Variants in REPS2 observed in about 807,000 individuals in gnomAD.
The protein encoded by REPS2 is ralBP1-associated Eps domain-containing protein 2.
In REPS2, 23 loss-of-function variants were observed where a neutral mutation model predicts 53.6. That is an observed-to-expected ratio of 0.43 (90% CI 0.31 to 0.61). The LOEUF (loss-of-function observed/expected upper bound fraction) is 0.61. Among genes scored for constraint, REPS2 ranks in the 20% least tolerant of loss-of-function variants. REPS2 has a pLI of 0.11. For synonymous variants in REPS2, 238 were observed against 218.6 expected, an observed-to-expected ratio of 1.09 and a Z score of -0.78; for missense variants, 446 against 534.9, an observed-to-expected ratio of 0.83 and a Z score of 1.64.
chrX:16,968,530 C>A (rs1454588292), intron 1 of REPS2, among the ~76,000 whole-genome samples: 10 of 96,702 alleles, frequency 1.0e-4, no homozygotes, highest in African/African-American at 3.5e-4. Flanking sequence ...CTGACCCCCC[C>A]ACCTCCCTCC....
chrX:17,047,117 A>G (rs1345764493), intron 5 of REPS2, among the ~76,000 whole-genome samples: 1 of 112,014 alleles, frequency 8.9e-6, no homozygotes, highest in Non-Finnish European at 1.9e-5. Context: ...AGTATTCAGT[A>G]TTTCATGCCT....
At chrX:17,121,750 C>T (rs1220683552) in intron 14 of REPS2, among the ~76,000 whole-genome samples, 2 of 110,353 alleles carry the variant, frequency 1.8e-5, no homozygotes, top group African/African-American at 3.3e-5. Context: ...CTCACTCTGT[C>T]GCCCAGGCTG....
At chrX:17,016,766 T>C (rs866495996) in intron 2 of REPS2, among the ~76,000 whole-genome samples, 459 of 96,028 alleles carry the variant, frequency 4.8e-3, no homozygotes, top group African/African-American at 0.018. Context: ...TTTTCTTTTT[T>C]TTTTTTTTTT....
the REPS2 span, among the ~76,000 whole-genome samples, chrX:17,193,342 TGCATG>T: frequency 1.8e-5 from 2 of 111,720 alleles, no homozygotes; most frequent in African/African-American, 6.5e-5. Flanking sequence ...CCTTGAAATA[TGCATG>T]TGTACCCTTG....
chrX:16,951,542 CA>C, intron 1 of REPS2, among the ~76,000 whole-genome samples: 1 of 53,878 alleles, frequency 1.9e-5, no homozygotes, highest in African/African-American at 5.5e-5. Flanking sequence ...CACACACACA[CA>C]CACACACACA....
At chrX:17,096,647 G>A (rs1371753524) in intron 13 of REPS2, among the ~76,000 whole-genome samples, 1 of 59,659 alleles carries the variant, frequency 1.7e-5, no homozygotes, top group Non-Finnish European at 2.8e-5. Flanking sequence ...GCGACAGAGC[G>A]AGACTCCGTC....
At chrX:17,047,300 C>G (rs750025788) in intron 5 of REPS2, 47 bp from the exon 6 acceptor site, 3 of 1,186,303 alleles carry the variant, frequency 2.5e-6, no homozygotes, top group Admixed American at 2.2e-5. Context: ...CTACTTCTCA[C>G]TAAAGACAGG....
intron 14 of REPS2, among the ~76,000 whole-genome samples, chrX:17,108,298 C>T (rs972243601): frequency 2.7e-5 from 3 of 109,664 alleles, no homozygotes; most frequent in South Asian, 4.0e-4. Flanking sequence ...CTCAGCCTTC[C>T]GAGTAGCTGG....
chrX:16,968,336 C>T (rs1363766904), intron 1 of REPS2, among the ~76,000 whole-genome samples: 12 of 112,707 alleles, frequency 1.1e-4, no homozygotes, highest in African/African-American at 3.5e-4. Flanking sequence ...CATCATGGCC[C>T]GTTCTCAGTG....
intron 1 of REPS2, among the ~76,000 whole-genome samples, chrX:16,972,041 G>A (rs953929923): frequency 1.8e-5 from 2 of 112,178 alleles, no homozygotes. Context: ...GAGACTCATA[G>A]GAATCAAATA....
chrX:16,957,558 T>C (rs1406333523), intron 1 of REPS2, among the ~76,000 whole-genome samples: 1 of 111,875 alleles, frequency 8.9e-6, no homozygotes, highest in Admixed American at 9.5e-5. Context: ...GATGATGATA[T>C]ACCAACAGTT....
intron 1 of REPS2, among the ~76,000 whole-genome samples, chrX:16,977,916 T>C (rs1189009862): frequency 1.8e-5 from 2 of 110,120 alleles, no homozygotes; most frequent in Non-Finnish European, 3.8e-5. Context: ...GGACTGGAGG[T>C]TCTAATTCTA....
At chrX:17,020,301 C>T (rs2061555531) in intron 2 of REPS2, among the ~76,000 whole-genome samples, 1 of 112,210 alleles carries the variant, frequency 8.9e-6, no homozygotes, top group African/African-American at 3.2e-5. Context: ...TTTCTTTTCT[C>T]CCTCAAGAAG....
the REPS2 span, among the ~76,000 whole-genome samples, chrX:17,180,088 A>G: frequency 3.6e-5 from 4 of 111,720 alleles, no homozygotes; most frequent in Non-Finnish European, 7.5e-5. Context: ...AAAGACACAT[A>G]CCCTGATGAT....
At chrX:17,103,006 T>A (rs2062828584) in intron 13 of REPS2, among the ~76,000 whole-genome samples, 1 of 112,477 alleles carries the variant, frequency 8.9e-6, no homozygotes, top group Non-Finnish European at 1.9e-5. Flanking sequence ...ATTGCTAAGG[T>A]ACAATTCAGA....
intron 4 of REPS2, among the ~76,000 whole-genome samples, chrX:17,027,975 A>G (rs761889541): frequency 3.4e-4 from 38 of 111,130 alleles, no homozygotes; most frequent in Middle Eastern, 4.2e-3. Context: ...CTTTCCAGTC[A>G]CAGGCAGGCT....
intron 5 of REPS2, among the ~76,000 whole-genome samples, chrX:17,043,838 G>A (rs1478937101): frequency 8.9e-6 from 1 of 112,871 alleles, no homozygotes; most frequent in Non-Finnish European, 1.9e-5. Flanking sequence ...TTGCAGCAGA[G>A]CATGGGAACG....
At chrX:16,969,706 G>A (rs962712061) in intron 1 of REPS2, among the ~76,000 whole-genome samples, 3 of 105,873 alleles carry the variant, frequency 2.8e-5, no homozygotes, top group Non-Finnish European at 3.9e-5. Context: ...GCATCAGAGG[G>A]AGACCGTGGA....
At chrX:17,066,977 G>A (rs2062234053) in intron 9 of REPS2, among the ~76,000 whole-genome samples, 1 of 112,288 alleles carries the variant, frequency 8.9e-6, no homozygotes, top group African/African-American at 3.2e-5. Context: ...CAAAAGTATT[G>A]CTTATCTCTC....
Sources: gnomAD v4.1 joint callset for allele counts (sites outside exome capture counted in the v4.1 genomes callset) on GRCh38, gnomAD v4.1.1 for gene constraint, MANE v1.5 for transcripts, NCBI Gene and HGNC (gene_info 2026-07-23, HGNC 2026-07-21) for gene names.